Variants in DDX4 observed in about 807,000 individuals in gnomAD.
DDX4 encodes the protein DEAD-box helicase 4, also known as probable ATP-dependent RNA helicase DDX4.
Under a neutral mutation model 100.0 loss-of-function variants are expected in DDX4, and 25 were observed. That is an observed-to-expected ratio of 0.25 (90% CI 0.18 to 0.35). The LOEUF (loss-of-function observed/expected upper bound fraction) is 0.35. Among genes scored for constraint, DDX4 ranks in the 10% least tolerant of loss-of-function variants. DDX4 has a pLI of 1.00. For synonymous variants in DDX4, 259 were observed against 275.7 expected (o/e 0.94, Z 0.60); for missense variants, 635 against 882.4 (o/e 0.72, Z 3.55).
chr5:55,747,817 C>T (rs951638199), intron 3 of DDX4, among the ~76,000 whole-genome samples: 1 of 152,132 alleles, frequency 6.6e-6, no homozygotes, highest in Admixed American at 6.5e-5. Flanking sequence ...GTCTCTAAAT[C>T]GAGTTACTAC....
In DDX4 at chr5:55,792,763, C is replaced by G; in HGVS notation, c.1425C>G (p.Arg475=). 6.3e-7 allele frequency: 1 copy of G among 1,582,186 alleles called. No homozygotes were observed. The highest frequency in any genetic ancestry group is 8.6e-7 in the Non-Finnish European group (1 of 1,162,420). Residue 475 remains arginine, a synonymous_variant, in exon 17 of 22, where the codon CGC becomes CGG. Transcript: ENST00000505374. ...CAGGAATGCCATCAAAGGAACAGCG[C>G]CAAACCCTTATGTTCAGTGCAACTT... The part of the protein sequence containing the change: ...SCPGMPSKEQ[R]QTLMFSATFP...
At chr5:55,804,419 A>G (rs921105139) in intron 18 of DDX4, among the ~76,000 whole-genome samples, 2 of 151,984 alleles carry the variant, frequency 1.3e-5, no homozygotes, top group African/African-American at 2.4e-5. Context: ...CTGAATGGTA[A>G]TGCCTAGGTT....
intron 3 of DDX4, among the ~76,000 whole-genome samples, chr5:55,754,918 A>G (rs1289852637): frequency 1.3e-5 from 2 of 152,180 alleles, no homozygotes; most frequent in Non-Finnish European, 2.9e-5. Flanking sequence ...GTATGTGTCA[A>G]GGAATTTATC....
At chr5:55,765,905 A>G (rs1740892277) in intron 6 of DDX4, among the ~76,000 whole-genome samples, 1 of 151,918 alleles carries the variant, frequency 6.6e-6, no homozygotes, top group African/African-American at 2.4e-5. Flanking sequence ...CCAGGGTTCA[A>G]GTGATTCTCC....
intron 3 of DDX4, among the ~76,000 whole-genome samples, chr5:55,757,889 A>T (rs1445021335): frequency 2.0e-5 from 3 of 152,138 alleles, no homozygotes; most frequent in Non-Finnish European, 4.4e-5. Flanking sequence ...ACAAAAAAAT[A>T]AAAAAATTAG....
rs3761777 is a variant in DDX4, at chr5:55,798,580, C to G, written c.1615+9C>G. ...AATTCTGCGAAACATAGGTATCTTA[C>G]GTTGATACATTTTTTTGTCATGATT... On this transcript the variant is annotated intron_variant, in intron 18 of 21. Coordinates refer to ENST00000505374, the MANE Select transcript of DDX4 (RefSeq NM_024415.3). 61 of 1,564,594 alleles carry G rather than the reference C, an allele frequency of 3.9e-5. No individual in the cohort carries two copies. The East Asian group carries it at 1.3e-3, about 33-fold the overall frequency.
At chr5:55,813,852 A>G in intron 19 of DDX4, 80 bp downstream of exon 19, 1 of 1,395,404 alleles carries the variant, frequency 7.2e-7, no homozygotes, top group Middle Eastern at 2.6e-4. Flanking sequence ...TATAACTAAT[A>G]TGATATAATC....
At chr5:55,764,999 G>A (rs1311428372) in intron 6 of DDX4, among the ~76,000 whole-genome samples, 2 of 152,062 alleles carry the variant, frequency 1.3e-5, no homozygotes, top group East Asian at 1.9e-4. Context: ...AACACTTTTG[G>A]TATAAGGCCG....
chr5:55,739,397 AATTG>A (rs1561475395), intron 2 of DDX4, among the ~76,000 whole-genome samples: 2 of 152,188 alleles, frequency 1.3e-5, no homozygotes, highest in Non-Finnish European at 2.9e-5. Context: ...AAATTCTGAA[AATTG>A]ATTTTGTGCA....
At chr5:55,751,248 T>G (rs886874479) in intron 3 of DDX4, among the ~76,000 whole-genome samples, 4 of 152,212 alleles carry the variant, frequency 2.6e-5, no homozygotes, top group Non-Finnish European at 4.4e-5. Flanking sequence ...TGTTGTTGTT[T>G]TTTGAGACAG....
chr5:55,772,952 T>C (rs1741343958), intron 7 of DDX4: 1 of 152,264 alleles, frequency 6.6e-6, no homozygotes, highest in African/African-American at 2.4e-5. Flanking sequence ...TTTAGTCCTT[T>C]GCATTCCTGT....
chr5:55,786,903 G>T (rs937503469), intron 14 of DDX4, among the ~76,000 whole-genome samples: 5 of 152,210 alleles, frequency 3.3e-5, no homozygotes, highest in African/African-American at 4.8e-5. Flanking sequence ...TTTTCTGTGT[G>T]CAGCTCTTTC....
At chr5:55,792,600 A>G in intron 16 of DDX4, 41 bp from the exon 17 acceptor site, 1 of 1,057,160 alleles carries the variant, frequency 9.5e-7, no homozygotes, top group Non-Finnish European at 1.3e-6. Flanking sequence ...AATATAAACT[A>G]ATATGCATTT....
chr5:55,792,734 TG>T lies in DDX4; in HGVS notation c.1397del (p.Cys466SerfsTer31). 1 of 1,601,494 alleles carries T rather than the reference TG, an allele frequency of 6.2e-7. No homozygotes were observed. ...FGPEMKKLIS[C>X]PGMPSKEQRQ... ...TCCAGAAATGAAGAAGTTAATTTCT[TG>T]CCCAGGAATGCCATCAAAGGAACAG... On this transcript the variant is annotated frameshift_variant, in exon 17 of 22. Coordinates refer to ENST00000505374, the MANE Select transcript of DDX4 (RefSeq NM_024415.3). LOFTEE classifies it high-confidence loss of function.
rs202041209 is a variant in DDX4 at position 55,763,213 on chromosome 5, A to G, written c.244A>G (p.Met82Val). 17 of 1,612,726 alleles carry G rather than the reference A, an allele frequency of 1.1e-5. 1 individual carries two copies. Among genetic ancestry groups the G allele is most frequent in the Admixed American group, 1.0e-4 (6 of 60,020 alleles). ...TAATAAGCGAGATAATACATCCACAATGGGTGGTTTTGGAGTTGGAAAGAG... is the reference window on the plus strand; with the variant it reads ...TAATAAGCGAGATAATACATCCACAGTGGGTGGTTTTGGAGTTGGAAAGAG... ...ECNKRDNTST[M>V]GGFGVGKSFG... Residue 82 changes from methionine to valine, a missense_variant, in exon 5 of 22, where the codon ATG (methionine) becomes GTG (valine). Physicochemically the swap from Met to Val is conservative, Grantham distance 21. Transcript: ENST00000505374.
chr5:55,799,900 A>G (rs1274792112), intron 18 of DDX4, among the ~76,000 whole-genome samples: 2 of 152,146 alleles, frequency 1.3e-5, no homozygotes, highest in Admixed American at 1.3e-4. Flanking sequence ...TTCATCAGCT[A>G]ATTTCCAATA....
At chr5:55,779,913 A>T (rs1741802857) in intron 7 of DDX4, 51 bp from the exon 8 acceptor site, 1 of 1,576,400 alleles carries the variant, frequency 6.3e-7, no homozygotes, top group Admixed American at 1.8e-5. Context: ...TGTCCCCAAG[A>T]TTTCTTTGTT....
chr5:55,808,734 G>A (rs903247573), intron 18 of DDX4, among the ~76,000 whole-genome samples: 1 of 152,242 alleles, frequency 6.6e-6, no homozygotes, highest in Non-Finnish European at 1.5e-5. Flanking sequence ...CCTACTGGGG[G>A]TGCCTCCCAG....
At chr5:55,740,928 T>C (rs1012570583) in intron 2 of DDX4, among the ~76,000 whole-genome samples, 19 of 152,270 alleles carry the variant, frequency 1.2e-4, no homozygotes, top group Admixed American at 1.2e-3. Context: ...CTGTGTATTG[T>C]CATTAATGTT....
Sources: allele counts gnomAD v4.1 joint callset (sites outside exome capture counted in the v4.1 genomes callset), GRCh38; gene constraint gnomAD v4.1.1; transcripts MANE v1.5; gene names NCBI Gene and HGNC (gene_info 2026-07-23, HGNC 2026-07-21).